Variants in ADGRL2 observed in about 807,000 individuals in gnomAD.
The protein encoded by ADGRL2 is calcium-independent alpha-latrotoxin receptor 2.
In ADGRL2, 44 loss-of-function variants were observed where a neutral mutation model predicts 157.4. The observed-to-expected ratio is 0.28, with a 90% confidence interval of 0.22 to 0.36. The LOEUF is 0.36. ADGRL2 is among the 10% of genes least tolerant of loss of function. The pLI, the probability that ADGRL2 is intolerant of heterozygous loss-of-function variation, is 1.00. For missense variants in ADGRL2, 1,510 were observed against 1,768.9 expected, an observed-to-expected ratio of 0.85 and a Z score of 2.63; for synonymous variants, 585 against 624.7, an observed-to-expected ratio of 0.94 and a Z score of 0.95.
At chr1:81,740,523 T>C (rs1271000585) in intron 1 of ADGRL2, among the ~76,000 whole-genome samples, 1 of 152,216 alleles carries the variant, frequency 6.6e-6, no homozygotes, top group East Asian at 1.9e-4. Context: ...TCAATGCTTT[T>C]TGGCCTGAAC....
intron 17 of ADGRL2, among the ~76,000 whole-genome samples, chr1:81,973,891 C>G (rs1659459674): frequency 6.6e-6 from 1 of 151,966 alleles, no homozygotes; most frequent in African/African-American, 2.4e-5. Flanking sequence ...AAAAGAATAT[C>G]TAACTTAAAT....
intron 1 of ADGRL2, among the ~76,000 whole-genome samples, chr1:81,737,350 C>T (rs915741267): frequency 3.3e-5 from 5 of 152,166 alleles, no homozygotes; most frequent in African/African-American, 1.2e-4. Flanking sequence ...CGTGTCTTCA[C>T]ATGGTGGCAG....
chr1:81,794,621 A>G (rs1035203749), intron 2 of ADGRL2, among the ~76,000 whole-genome samples: 1 of 152,196 alleles, frequency 6.6e-6, no homozygotes, highest in Admixed American at 6.5e-5. Context: ...GATATGAATG[A>G]CATTTTAATA....
chr1:81,625,593 A>T (rs1238699928), intron 3 of ADGRL2: 1 of 152,112 alleles, frequency 6.6e-6, no homozygotes, highest in Non-Finnish European at 1.5e-5. Flanking sequence ...TGCCAAATTC[A>T]TGTCGTGAGA....
chr1:81,942,069 C>T (rs753154665), intron 5 of ADGRL2, 24 bp downstream of exon 5: 4 of 765,354 alleles, frequency 5.2e-6, no homozygotes, highest in Non-Finnish European at 9.7e-6. Flanking sequence ...AGTCTGAACC[C>T]CAGCTCCCTG....
intron 1 of ADGRL2, among the ~76,000 whole-genome samples, chr1:81,393,374 A>G (rs186791492): frequency 6.6e-6 from 1 of 150,564 alleles, no homozygotes; most frequent in Non-Finnish European, 1.5e-5. Context: ...AAAAAAAAGC[A>G]TTGTACATAT....
At chr1:81,945,795 C>T (rs1296248525) in intron 6 of ADGRL2, among the ~76,000 whole-genome samples, 2 of 151,986 alleles carry the variant, frequency 1.3e-5, no homozygotes, top group East Asian at 1.9e-4. Context: ...CATATTGACC[C>T]CTTATTCAGC....
intron 2 of ADGRL2, among the ~76,000 whole-genome samples, chr1:81,890,710 T>C (rs1025766138): frequency 2.2e-5 from 3 of 133,652 alleles, no homozygotes; most frequent in African/African-American, 8.7e-5. Context: ...AAGGGAACTG[T>C]GGTGTAGGGT....
intron 1 of ADGRL2, among the ~76,000 whole-genome samples, chr1:81,430,577 G>A (rs983332687): frequency 6.6e-6 from 1 of 152,178 alleles, no homozygotes; most frequent in South Asian, 2.1e-4. Context: ...TGAAAAGGCT[G>A]TCTTGTATTC....
intron 3 of ADGRL2, among the ~76,000 whole-genome samples, chr1:81,650,944 C>A (rs2082408229): frequency 6.6e-6 from 1 of 152,162 alleles, no homozygotes; most frequent in Non-Finnish European, 1.5e-5. Flanking sequence ...TGCCCTCCCT[C>A]TTGTACCTGG....
chr1:81,740,249 A>G (rs113251678), intron 1 of ADGRL2, among the ~76,000 whole-genome samples: 120 of 152,288 alleles, frequency 7.9e-4, no homozygotes, highest in African/African-American at 2.9e-3. Context: ...TCATTAAACA[A>G]GGGTTTATTA....
At chr1:81,463,697 A>C (rs1302798702) in intron 2 of ADGRL2, among the ~76,000 whole-genome samples, 2 of 152,204 alleles carry the variant, frequency 1.3e-5, no homozygotes, top group African/African-American at 2.4e-5. Context: ...ACAGCAAATG[A>C]ACCAGACTCG....
At chr1:81,504,697 C>T (rs568087848) in intron 2 of ADGRL2, among the ~76,000 whole-genome samples, 3 of 152,154 alleles carry the variant, frequency 2.0e-5, no homozygotes, top group South Asian at 2.1e-4. Flanking sequence ...CACACTGGGT[C>T]GGGCCCTGAA....
intron 2 of ADGRL2, among the ~76,000 whole-genome samples, chr1:81,485,983 C>T (rs1357263432): frequency 6.6e-6 from 1 of 152,202 alleles, no homozygotes; most frequent in East Asian, 1.9e-4. Flanking sequence ...TGTGCACTTA[C>T]AACTTCAAAA....
intron 2 of ADGRL2, among the ~76,000 whole-genome samples, chr1:81,460,682 G>GAGCC (rs927957503): frequency 2.6e-5 from 4 of 151,758 alleles, no homozygotes; most frequent in African/African-American, 9.6e-5. Flanking sequence ...GGAGTTTGAA[G>GAGCC]AGCCACCCCT....
intron 2 of ADGRL2, among the ~76,000 whole-genome samples, chr1:81,531,839 GACCCCTC>G (rs2079607164): frequency 6.6e-6 from 1 of 152,070 alleles, no homozygotes; most frequent in Non-Finnish European, 1.5e-5. Context: ...AAGGTCAGTG[GACCCCTC>G]ACTTGCATAA....
At chr1:81,852,441 A>G (rs1193926763) in intron 2 of ADGRL2, among the ~76,000 whole-genome samples, 1 of 152,116 alleles carries the variant, frequency 6.6e-6, no homozygotes, top group Non-Finnish European at 1.5e-5. Context: ...TGGGAAAAAA[A>G]TTTTTAAAAA....
chr1:81,475,466 G>T (rs1460746992), intron 2 of ADGRL2, among the ~76,000 whole-genome samples: 1 of 152,054 alleles, frequency 6.6e-6, no homozygotes, highest in Admixed American at 6.6e-5. Context: ...GATTTTTAAA[G>T]CATTTATGCA....
chr1:81,456,082 A>C (rs1321127442), intron 2 of ADGRL2, among the ~76,000 whole-genome samples: 2 of 152,256 alleles, frequency 1.3e-5, no homozygotes, highest in Non-Finnish European at 2.9e-5. Context: ...ATTAATTTTA[A>C]GTATCAATGC....
Sources: gnomAD v4.1 joint callset for allele counts (sites outside exome capture counted in the v4.1 genomes callset) on GRCh38, gnomAD v4.1.1 for gene constraint, MANE v1.5 for transcripts, NCBI Gene and HGNC (gene_info 2026-07-23, HGNC 2026-07-21) for gene names.